The following CSN3 variants were observed in gnomAD, a reference collection of about 807,000 sequenced individuals.
The protein encoded by CSN3 is casein kappa, also known as kappa-casein.
A neutral mutation model predicts 9.9 loss-of-function variants in CSN3; 7 were observed. The observed-to-expected ratio is 0.71, with a 90% CI of 0.40 to 1.33. CSN3 has a LOEUF of 1.33. CSN3 is among the 40% of genes most tolerant of loss of function. The pLI, the probability that CSN3 is intolerant of heterozygous loss-of-function variation, is 0.01. For synonymous variants in CSN3, 88 were observed against 82.3 expected (o/e 1.07, Z -0.37); for missense variants, 253 against 227.9 (o/e 1.11, Z -0.71).
At chr4:70,248,186 A>G (rs1730416151) in intron 3 of CSN3, among the ~76,000 whole-genome samples, 1 of 152,182 alleles carries the variant, frequency 6.6e-6, no homozygotes, top group Non-Finnish European at 1.5e-5. Flanking sequence ...TTTTTAAGAC[A>G]AGGGAAGATC....
intron 2 of CSN3, among the ~76,000 whole-genome samples, chr4:70,246,221 T>G (rs1321364997): frequency 6.6e-6 from 1 of 152,214 alleles, no homozygotes; most frequent in Non-Finnish European, 1.5e-5. Flanking sequence ...CTAGCACTTA[T>G]GCACTAAACT....
exon 4 of CSN3, chr4:70,249,076 C>T (rs150281469): frequency 1.2e-6 from 2 of 1,613,832 alleles, no homozygotes; most frequent in East Asian, 4.5e-5. Context: ...AAATAGCTAT[C>T]CTTATTATGG....
intron 4 of CSN3, among the ~76,000 whole-genome samples, 197 bp downstream of exon 4, chr4:70,249,690 A>G (rs1356398468): frequency 1.3e-5 from 2 of 152,188 alleles, no homozygotes; most frequent in Non-Finnish European, 2.9e-5. Flanking sequence ...AATTTAAAAT[A>G]ATTTTATTTG....
At chr4:70,249,147 A>G (rs1237883922) in exon 4 of CSN3, 1 of 1,614,096 alleles carries the variant, frequency 6.2e-7, no homozygotes, top group Non-Finnish European at 8.5e-7. Context: ...TGCCTCGCAC[A>G]TATTATGCAA....
chr4:70,244,853 G>T, exon 2 of CSN3: 1 of 1,566,256 alleles, frequency 6.4e-7, no homozygotes, highest in Non-Finnish European at 8.6e-7. Flanking sequence ...CAATGCCCTG[G>T]CATTAACCCT....
chr4:70,238,640 A>G (rs1730217131), upstream of CSN3, among the ~76,000 whole-genome samples: 1 of 151,944 alleles, frequency 6.6e-6, no homozygotes, highest in Non-Finnish European at 1.5e-5. Context: ...GAGTGAAAGT[A>G]AAGAGACCAA....
rs753693036 is a variant in CSN3 at position 70,249,103 on chromosome 4, C to T, written c.193C>T (p.Arg65Cys). 79 of 1,613,774 alleles carry T rather than the reference C, an allele frequency of 4.9e-5. No individual in the cohort carries two copies. Among genetic ancestry groups the T allele is most frequent in the Non-Finnish European group, 6.0e-5 (71 of 1,179,912 alleles). ...TTATTATGGAACCAATTTGTACCAACGTAGACCAGCTATAGCAATTAATAA... is the reference window on the plus strand; with the variant it reads ...TTATTATGGAACCAATTTGTACCAATGTAGACCAGCTATAGCAATTAATAA... Residue 65 changes from arginine to cysteine, a missense_variant, in exon 4 of 5, where the codon CGT (arginine) becomes TGT (cysteine). Arg to Cys is a radical substitution (Grantham distance 180). Coordinates refer to ENST00000304954, the Ensembl canonical transcript of CSN3.
intron 4 of CSN3, among the ~76,000 whole-genome samples, chr4:70,250,830 G>A (rs779763893): frequency 1.3e-5 from 2 of 152,022 alleles, no homozygotes; most frequent in Admixed American, 6.6e-5. Context: ...TGAAAAACAG[G>A]GAAAATACAC....
At chr4:70,242,391 A>G (rs1414745741), upstream of CSN3, among the ~76,000 whole-genome samples, 8 of 121,718 alleles carry the variant, frequency 6.6e-5, 1 homozygote. Flanking sequence ...TACATGTGCC[A>G]TGCTGGTGCA....
intron 1 of CSN3, chr4:70,243,105 T>C: frequency 1.7e-6 from 1 of 571,536 alleles, no homozygotes; most frequent in Non-Finnish European, 2.2e-6. Flanking sequence ...TTTCAAATAT[T>C]CATGAAAGCT....
chr4:70,242,169 T>A (rs1730283884), upstream of CSN3, among the ~76,000 whole-genome samples: 1 of 118,556 alleles, frequency 8.4e-6, no homozygotes, highest in Non-Finnish European at 1.7e-5. Flanking sequence ...TTAATATTTT[T>A]AAAAATTCTT....
At chr4:70,249,038 C>T (rs1325148079) in exon 4 of CSN3, 2 of 1,609,678 alleles carry the variant, frequency 1.2e-6, no homozygotes, top group Non-Finnish European at 1.7e-6. Flanking sequence ...CAGAAAACAG[C>T]TCCATATGTC....
chr4:70,249,635 T>C, intron 4 of CSN3, 142 bp downstream of exon 4: 1 of 598,588 alleles, frequency 1.7e-6, no homozygotes, highest in Non-Finnish European at 2.9e-6. Context: ...AGTTTTACCT[T>C]GGTAAACCCA....
At chr4:70,238,909 G>A (rs921873655), upstream of CSN3, among the ~76,000 whole-genome samples, 9 of 151,906 alleles carry the variant, frequency 5.9e-5, no homozygotes, top group African/African-American at 1.9e-4. Flanking sequence ...GTGAAACAGG[G>A]TATGTTTGGA....
At chr4:70,249,411 G>A (rs201406795) in exon 4 of CSN3, 110 of 1,613,882 alleles carry the variant, frequency 6.8e-5, no homozygotes, top group Non-Finnish European at 8.6e-5. Context: ...CCATCATCAC[G>A]AGCACCCCTG....
chr4:70,246,638 T>C (rs1021391225), intron 2 of CSN3, among the ~76,000 whole-genome samples: 1 of 151,600 alleles, frequency 6.6e-6, no homozygotes, highest in Non-Finnish European at 1.5e-5. Context: ...CAGAATTTTT[T>C]AAAGTATACT....
chr4:70,239,838 A>T (rs1193750002), upstream of CSN3, among the ~76,000 whole-genome samples: 2 of 152,052 alleles, frequency 1.3e-5, no homozygotes, highest in African/African-American at 4.8e-5. Context: ...ACCATTTTAA[A>T]GAGCATTTTA....
chr4:70,249,370 A>C, exon 4 of CSN3: 1 of 1,614,140 alleles, frequency 6.2e-7, no homozygotes, highest in Non-Finnish European at 8.5e-7. Context: ...AACGGTGGAC[A>C]GTGTAGTCAC....
chr4:70,241,262 T>C (rs1421001454), upstream of CSN3, among the ~76,000 whole-genome samples: 1 of 151,998 alleles, frequency 6.6e-6, no homozygotes, highest in Non-Finnish European at 1.5e-5. Flanking sequence ...ACCAACTTGG[T>C]TTAGCCATTT....
Sources: allele counts gnomAD v4.1 joint callset (sites outside exome capture counted in the v4.1 genomes callset), GRCh38; gene constraint gnomAD v4.1.1; transcripts MANE v1.5; gene names NCBI Gene and HGNC (gene_info 2026-07-23, HGNC 2026-07-21).